PCDHA2: variants seen among roughly 807,000 people sequenced by gnomAD.
PCDHA2 encodes the protein protocadherin alpha 2, also known as protocadherin alpha-2.
In PCDHA2, 58 loss-of-function variants were observed where a neutral mutation model predicts 66.0. The ratio of observed to expected loss-of-function variants is 0.88; its 90% CI spans 0.71 to 1.09. The LOEUF (loss-of-function observed/expected upper bound fraction) is 1.09. Ranked by LOEUF, PCDHA2 falls within the 50% of genes least tolerant of loss-of-function variation. The pLI, the probability that PCDHA2 is intolerant of heterozygous loss-of-function variation, is 0.00. For missense variants in PCDHA2, 1,267 were observed against 1,242.3 expected, an observed-to-expected ratio of 1.02 and a Z score of -0.30; for synonymous variants, 634 against 554.0, an observed-to-expected ratio of 1.14 and a Z score of -2.03.
At chr5:140,953,546 T>G (rs2094902084) in intron 1 of PCDHA2, among the ~76,000 whole-genome samples, 1 of 152,136 alleles carries the variant, frequency 6.6e-6, no homozygotes, top group African/African-American at 2.4e-5. Context: ...ATGCTGATTC[T>G]TTTCTCCAAG....
chr5:140,870,319 T>C (rs782623881), intron 1 of PCDHA2: 3 of 1,614,162 alleles, frequency 1.9e-6, no homozygotes, highest in Non-Finnish European at 2.5e-6. Context: ...TTACTACTCG[T>C]TGGTGCTGGA....
intron 1 of PCDHA2, among the ~76,000 whole-genome samples, chr5:140,951,543 C>A (rs246041): frequency 1.3e-5 from 2 of 151,428 alleles, no homozygotes; most frequent in South Asian, 2.1e-4. Flanking sequence ...GAGCAAGGGA[C>A]GGGGGGAAGT....
At chr5:140,868,957 A>T (rs2050760003) in intron 1 of PCDHA2, 1 of 1,389,232 alleles carries the variant, frequency 7.2e-7, no homozygotes, top group Non-Finnish European at 9.7e-7. Context: ...AGGCACTCCC[A>T]TACAAAGGAA....
intron 1 of PCDHA2, among the ~76,000 whole-genome samples, chr5:140,953,627 T>C (rs1298172951): frequency 6.6e-6 from 1 of 152,178 alleles, no homozygotes; most frequent in Non-Finnish European, 1.5e-5. Context: ...ATTTGCTTTA[T>C]GTATTTTGGC....
chr5:140,943,435 A>G (rs941814689), intron 1 of PCDHA2, among the ~76,000 whole-genome samples: 2 of 152,148 alleles, frequency 1.3e-5, no homozygotes, highest in African/African-American at 4.8e-5. Flanking sequence ...AATATGATAT[A>G]AAGGATAGAA....
rs534013349 is a variant in PCDHA2, at chr5:140,881,427, A to G, written c.2388+84075A>G. ...AATCAATAGGATATTAGTTCCAGGC[A>G]TATTTTATAAAAACAGAATCCAAAA... On this transcript the variant is annotated intron_variant, in intron 1 of 3. Transcript: ENST00000526136. 6.5e-5 allele frequency: 58 copies of G among 895,354 alleles called. No individual in the cohort carries two copies. In the African/African-American group the frequency reaches 9.9e-4, roughly 15 times the overall value. The allele number at this position is 895,354 out of a possible 1,614,324, so 55.5% of individuals were successfully genotyped here. A position where few individuals can be genotyped will look rare whatever the true frequency, so the allele number is the denominator to read the frequency against.
intron 1 of PCDHA2, among the ~76,000 whole-genome samples, chr5:140,972,262 C>G (rs116021362): frequency 0.021 from 3,220 of 151,618 alleles, 50 homozygotes; most frequent in Non-Finnish European, 0.033. Context: ...ACATCAGCCT[C>G]CTGAGTAGCT....
intron 1 of PCDHA2, among the ~76,000 whole-genome samples, chr5:140,902,590 A>G (rs1266008229): frequency 6.6e-6 from 1 of 151,942 alleles, no homozygotes; most frequent in African/African-American, 2.4e-5. Flanking sequence ...TAGTTTTGGG[A>G]AACAGGTCGT....
chr5:140,917,417 C>T (rs1163543772), intron 1 of PCDHA2, among the ~76,000 whole-genome samples: 1 of 152,082 alleles, frequency 6.6e-6, no homozygotes, highest in African/African-American at 2.4e-5. Flanking sequence ...TAATTAGGCC[C>T]CATTTGCCAA....
At chr5:140,826,269 A>G (rs1554130513) in intron 1 of PCDHA2, among the ~76,000 whole-genome samples, 5 of 152,168 alleles carry the variant, frequency 3.3e-5, no homozygotes, top group Non-Finnish European at 7.4e-5. Flanking sequence ...GTCTTTATGT[A>G]TATTTTGTGC....
At position 140,899,258 on chromosome 5, in the gene PCDHA2, T is replaced by C. The variant is rs1293804815; in HGVS notation, c.2389-79691T>C. On this transcript the variant is annotated intron_variant, in intron 1 of 3. Transcript: ENST00000526136. Reference sequence around the variant, plus strand: ...TAGGAGTGGTGAGAGAGGGCATCCCTGTCTTGTGGCAGTTTTCAAAGGGAA... The same window carrying C: ...TAGGAGTGGTGAGAGAGGGCATCCCCGTCTTGTGGCAGTTTTCAAAGGGAA... Among the ~76,000 whole-genome samples the C allele has an allele frequency of 3.7e-4, 56 of 152,282 alleles. No individual in the cohort carries two copies. In the South Asian group the frequency reaches 0.012, roughly 32 times the overall value.
At chr5:140,875,790 G>A (rs376091049) in intron 1 of PCDHA2, 1 of 1,614,214 alleles carries the variant, frequency 6.2e-7, no homozygotes, top group Non-Finnish European at 8.5e-7. Flanking sequence ...GTATCCACCT[G>A]GAGGTGATCG....
rs1581752525 is a variant in PCDHA2 at position 140,818,154 on chromosome 5, C to G, written c.2388+20802C>G. On this transcript the variant is annotated intron_variant, in intron 1 of 3. Coordinates refer to ENST00000526136, the MANE Select transcript of PCDHA2 (RefSeq NM_018905.3). ...AGCAGTATGCCTTCAAATACGGCTT[C>G]TACTTCATATTTTCTCTTATATTCT... Among the ~76,000 whole-genome samples the G allele has an allele frequency of 2.0e-5, 3 of 152,284 alleles. No individual in the cohort carries two copies. In the South Asian group the frequency reaches 6.2e-4, roughly 32 times the overall value.
intron 1 of PCDHA2, chr5:140,966,545 G>A: frequency 2.1e-6 from 1 of 465,980 alleles, no homozygotes; most frequent in Non-Finnish European, 3.7e-6. Context: ...CGACTCGGAG[G>A]CGAGCGGAGG....
At chr5:140,948,245 A>G (rs1554218500) in intron 1 of PCDHA2, among the ~76,000 whole-genome samples, 2 of 151,606 alleles carry the variant, frequency 1.3e-5, no homozygotes, top group African/African-American at 4.8e-5. Flanking sequence ...TTTAGTAAAT[A>G]TTTTTACATC....
At chr5:140,928,220 C>G in intron 1 of PCDHA2, 1 of 1,614,166 alleles carries the variant, frequency 6.2e-7, no homozygotes. Context: ...GACAATACAC[C>G]AAACTTTCCT....
intron 1 of PCDHA2, among the ~76,000 whole-genome samples, chr5:140,913,296 T>A (rs538964015): frequency 2.1e-4 from 32 of 152,322 alleles, no homozygotes; most frequent in African/African-American, 7.0e-4. Flanking sequence ...TTTAATTTCT[T>A]CATAGATCAA....
intron 1 of PCDHA2, among the ~76,000 whole-genome samples, chr5:140,915,458 G>A (rs1172885235): frequency 6.6e-6 from 1 of 152,126 alleles, no homozygotes; most frequent in Non-Finnish European, 1.5e-5. Context: ...TTTCCAGAAG[G>A]TTTTTATTTG....
At position 140,807,520 on chromosome 5, in the gene PCDHA2, C is replaced by A. The variant is rs782091040; in HGVS notation, c.2388+10168C>A. ...GCATCCACCTGGAGGTGATCGTAGA[C>A]AGGCCGCTGCAGGTTTTCCATGTGG... On this transcript the variant is annotated intron_variant, in intron 1 of 3. Coordinates refer to ENST00000526136, the MANE Select transcript of PCDHA2 (RefSeq NM_018905.3). 1.2e-5 allele frequency: 19 copies of A among 1,613,978 alleles called. 1 individual carries two copies. The South Asian group carries it at 1.5e-4, about 13-fold the overall frequency.
Sources: gnomAD v4.1 joint callset for allele counts (sites outside exome capture counted in the v4.1 genomes callset) on GRCh38, gnomAD v4.1.1 for gene constraint, MANE v1.5 for transcripts, NCBI Gene and HGNC (gene_info 2026-07-23, HGNC 2026-07-21) for gene names.